The following PCDH11X variants were observed in gnomAD, a reference collection of about 807,000 sequenced individuals.
The protein encoded by PCDH11X is protocadherin-11 X-linked.
In PCDH11X, 18 loss-of-function variants were observed where a neutral mutation model predicts 53.3. The observed-to-expected ratio is 0.34, with a 90% CI of 0.23 to 0.50. The LOEUF is 0.50. Ranked by LOEUF, PCDH11X falls within the 20% of genes least tolerant of loss-of-function variation. The pLI, the probability that PCDH11X is intolerant of heterozygous loss-of-function variation, is 0.98. For synonymous variants in PCDH11X, 279 were observed against 393.3 expected (o/e 0.71, Z 3.44); for missense variants, 570 against 1,032.4 (o/e 0.55, Z 6.14).
At chrX:92,143,363 G>C (rs1443007382) in intron 6 of PCDH11X, among the ~76,000 whole-genome samples, 1 of 112,290 alleles carries the variant, frequency 8.9e-6, no homozygotes. Flanking sequence ...CACAGGCCCA[G>C]AGGCCCAGAA....
At position 92,201,450 on chromosome X, in the gene PCDH11X, C is replaced by G. The variant is rs761868088; in HGVS notation, c.3109C>G (p.Pro1037Ala). 3.4e-6 allele frequency: 4 copies of G among 1,174,396 alleles called. No homozygotes were observed. The highest frequency in any genetic ancestry group is 2.4e-4 in the Middle Eastern group (1 of 4,253). ...TTMEIWIHPQ[P>A]QRKSEGKVAG... is the part of the protein sequence containing the mutation. The stretch of plus-strand genomic sequence containing the variant: ...TATGGAGATCTGGATTCATCCCCAA[C>G]CACAGGTATGGCAAAAGCCCTATGA... The change falls in exon 7 of 11, where the codon CCA becomes GCA. Residue 1037 changes from proline to alanine, a missense_variant. By Grantham distance (27) the Pro-to-Ala change is conservative (BLOSUM62 -1). Around this residue, in one of 6 missense-constraint regions of PCDH11X, gnomAD observed 234 missense variants for 296.1 expected, o/e 0.79. Transcript: ENST00000682573.
At chrX:92,262,361 T>A (rs1294785222) in intron 7 of PCDH11X, among the ~76,000 whole-genome samples, 2 of 111,684 alleles carry the variant, frequency 1.8e-5, no homozygotes, top group African/African-American at 6.5e-5. Flanking sequence ...GCTGGAAATG[T>A]TGACATTTGA....
intron 7 of PCDH11X, among the ~76,000 whole-genome samples, chrX:92,226,624 A>C (rs2148363349): frequency 8.9e-6 from 1 of 111,809 alleles, no homozygotes; most frequent in South Asian, 3.7e-4. Context: ...TAATATTTTT[A>C]GGTTTAATGA....
intron 7 of PCDH11X, among the ~76,000 whole-genome samples, chrX:92,241,406 C>T (rs776023724): frequency 1.8e-5 from 2 of 112,099 alleles, no homozygotes; most frequent in East Asian, 5.6e-4. Flanking sequence ...ATATTCTTTT[C>T]AATATATCTA....
In PCDH11X at chrX:92,026,063, G is replaced by A. The variant is rs752710246; in HGVS notation, c.3033+146790G>A. On this transcript the variant is annotated intron_variant, in intron 6 of 10. Coordinates refer to ENST00000682573, the MANE Select transcript of PCDH11X (RefSeq NM_032968.5). ...GCCTACTGGAGGGTGGAGGGTGGGA[G>A]GAGGGAGAGGATCAGCAAAAATAAC... Among the ~76,000 whole-genome samples, 4 of 110,407 alleles carry A rather than the reference G, an allele frequency of 3.6e-5. No homozygotes were observed. In the Admixed American group the frequency reaches 3.9e-4, roughly 11 times the overall value.
intron 6 of PCDH11X, among the ~76,000 whole-genome samples, chrX:92,105,858 G>A (rs2064373534): frequency 9.0e-6 from 1 of 111,472 alleles, no homozygotes; most frequent in Non-Finnish European, 1.9e-5. Context: ...CAGGCCATCC[G>A]GGCATATAGT....
chrX:91,948,287 A>G (rs2061599670), intron 6 of PCDH11X, among the ~76,000 whole-genome samples: 1 of 111,411 alleles, frequency 9.0e-6, no homozygotes, highest in Non-Finnish European at 1.9e-5. Context: ...TCAAAGCAAA[A>G]GAAAAATCTG....
At chrX:92,256,002 C>T (rs2067571272) in intron 7 of PCDH11X, among the ~76,000 whole-genome samples, 1 of 112,390 alleles carries the variant, frequency 8.9e-6, no homozygotes, top group Admixed American at 9.3e-5. Context: ...CCTAAGGAAG[C>T]CTGGGCAATG....
chrX:91,966,487 G>A (rs1272137396), intron 6 of PCDH11X, among the ~76,000 whole-genome samples: 5 of 107,915 alleles, frequency 4.6e-5, no homozygotes, highest in Admixed American at 4.0e-4. Flanking sequence ...ATCACACACC[G>A]GGACCTGTCG....
intron 1 of PCDH11X, among the ~76,000 whole-genome samples, chrX:91,796,229 C>A (rs1935729348): frequency 1.8e-5 from 2 of 111,760 alleles, no homozygotes; most frequent in South Asian, 7.3e-4. Context: ...TCCTTGTGAA[C>A]AGACAGCATT....
In PCDH11X at chrX:92,565,286, C is replaced by T. The variant is rs1335265948; in HGVS notation, c.3368-52978C>T. Among the ~76,000 whole-genome samples the T allele has an allele frequency of 4.3e-5, 4 of 92,399 alleles. No individual in the cohort carries two copies. The East Asian group carries it at 1.2e-3, about 29-fold the overall frequency. 80.2% of individuals were successfully genotyped at this position (92,399 alleles called of 115,157 possible). On this transcript the variant is annotated intron_variant, in intron 10 of 10. Coordinates refer to ENST00000682573, the MANE Select transcript of PCDH11X (RefSeq NM_032968.5). ...TATCCAGCAATTCTACTGCTGGGTA[C>T]ACACCCAAAAGAATGAAAACTAGTA...
intron 10 of PCDH11X, among the ~76,000 whole-genome samples, chrX:92,549,448 C>T (rs1341175343): frequency 1.8e-5 from 2 of 108,476 alleles, no homozygotes; most frequent in Non-Finnish European, 3.8e-5. Flanking sequence ...ACTTTCAACA[C>T]AGTTTCTTTA....
At chrX:91,849,907 CCTA>C (rs889034304) in intron 5 of PCDH11X, among the ~76,000 whole-genome samples, 9 of 100,305 alleles carry the variant, frequency 9.0e-5, no homozygotes, top group African/African-American at 2.9e-4. Flanking sequence ...CCCACTACAT[CCTA>C]CTACATTTCA....
At chrX:92,370,067 AT>A (rs1377823772) in intron 8 of PCDH11X, among the ~76,000 whole-genome samples, 1 of 105,027 alleles carries the variant, frequency 9.5e-6, no homozygotes, top group Admixed American at 1.0e-4. Context: ...TTATCTCATA[AT>A]TTTTTTGCAT....
intron 6 of PCDH11X, among the ~76,000 whole-genome samples, chrX:92,181,598 G>A (rs1317234285): frequency 2.7e-5 from 3 of 111,472 alleles, no homozygotes; most frequent in Non-Finnish European, 5.6e-5. Context: ...ATGGTTTCAC[G>A]GGCCAGGCCC....
intron 1 of PCDH11X, among the ~76,000 whole-genome samples, chrX:91,795,892 C>G (rs910945706): frequency 5.4e-5 from 6 of 111,276 alleles, no homozygotes; most frequent in Non-Finnish European, 9.4e-5. Flanking sequence ...TACCAATCAT[C>G]CAATTTATGG....
At chrX:92,314,466 A>G (rs1297003192) in intron 8 of PCDH11X, among the ~76,000 whole-genome samples, 1 of 111,813 alleles carries the variant, frequency 8.9e-6, no homozygotes, top group Non-Finnish European at 1.9e-5. Flanking sequence ...ACACTCTAAA[A>G]TAATGATAAA....
intron 6 of PCDH11X, among the ~76,000 whole-genome samples, chrX:92,177,495 C>A (rs770324126): frequency 8.9e-6 from 1 of 111,863 alleles, no homozygotes; most frequent in East Asian, 2.8e-4. Context: ...CTTGAGATGG[C>A]CTGTTTCTTA....
At chrX:92,185,046 C>T (rs1027005038) in intron 6 of PCDH11X, among the ~76,000 whole-genome samples, 5 of 110,794 alleles carry the variant, frequency 4.5e-5, no homozygotes, top group African/African-American at 9.8e-5. Context: ...TTCGTCATAT[C>T]GGCAGCGTCC....
Sources: allele counts gnomAD v4.1 joint callset (sites outside exome capture counted in the v4.1 genomes callset), GRCh38; gene constraint gnomAD v4.1.1; regional missense constraint gnomAD v4.1.1; transcripts MANE v1.5; gene names NCBI Gene and HGNC (gene_info 2026-07-23, HGNC 2026-07-21).